The following ST3GAL1 variants were observed in gnomAD, a reference collection of about 807,000 sequenced individuals.
The protein encoded by ST3GAL1 is ST3 beta-galactoside alpha-2,3-sialyltransferase 1, also known as CMP-N-acetylneuraminate-beta-galactosamide-alpha-2,3-sialyltransferase 1.
In ST3GAL1, 16 loss-of-function variants were observed where a neutral mutation model predicts 34.1. That is an observed-to-expected ratio of 0.47 (90% confidence interval 0.32 to 0.71). The LOEUF is 0.71. ST3GAL1 is among the 30% of genes least tolerant of loss of function. ST3GAL1 has a pLI of 0.04. For synonymous variants in ST3GAL1, 191 were observed against 184.7 expected (o/e 1.03, Z -0.28); for missense variants, 353 against 447.4 (o/e 0.79, Z 1.90).
chr8:133,475,853 G>T lies in ST3GAL1; in HGVS notation c.172C>A (p.Pro58Thr), dbSNP rs1464330069. 6.2e-7 allele frequency: 1 copy of T among 1,614,012 alleles called. No individual in the cohort carries two copies. The highest frequency in any genetic ancestry group is 2.2e-5 in the East Asian group (1 of 44,876). ...ENLKRLIKHR[P>T]CTCTHCIGQR... is the part of the protein sequence containing the mutation. The stretch of plus-strand genomic sequence containing the variant: ...CCGATGCAGTGGGTGCAGGTGCAAG[G>T]CCTGTGCTTGATCAGTCTCTTCAGG... The change falls in exon 5 of 10, where the codon CCT (proline) becomes ACT (threonine). Residue 58 changes from proline to threonine, a missense_variant. By Grantham distance (38) the Pro-to-Thr change is conservative (BLOSUM62 -1). Transcript: ENST00000522652.
At chr8:133,480,172 C>A (rs1291864472) in intron 3 of ST3GAL1, among the ~76,000 whole-genome samples, 1 of 152,216 alleles carries the variant, frequency 6.6e-6, no homozygotes, top group Non-Finnish European at 1.5e-5. Context: ...GCCACATGCT[C>A]AATACGAGGA....
intron 2 of ST3GAL1, among the ~76,000 whole-genome samples, chr8:133,502,317 G>A (rs1817179849): frequency 6.6e-6 from 1 of 151,914 alleles, no homozygotes; most frequent in African/African-American, 2.4e-5. Context: ...ATATGTTGAT[G>A]CCTTAACCCT....
chr8:133,529,281 C>T lies in ST3GAL1; in HGVS notation c.-429+16493G>A, dbSNP rs1818072475. ...GCATCTACTGGAGGAATATGTCAGG[C>T]AAATGCCAGACAGAAAGCGGGCCAG... On this transcript the variant is annotated intron_variant, in intron 2 of 9. Coordinates refer to ENST00000522652, the MANE Select transcript of ST3GAL1 (RefSeq NM_173344.3). Among the ~76,000 whole-genome samples, 3 of 152,212 alleles carry T rather than the reference C, an allele frequency of 2.0e-5. No individual in the cohort carries two copies. In the South Asian group the frequency reaches 6.2e-4, roughly 31 times the overall value.
intron 1 of ST3GAL1, among the ~76,000 whole-genome samples, chr8:133,552,434 C>T (rs982752981): frequency 3.9e-5 from 6 of 152,166 alleles, no homozygotes; most frequent in African/African-American, 7.2e-5. Flanking sequence ...TCAGCAGAGC[C>T]GTTGGCTGGG....
intron 2 of ST3GAL1, among the ~76,000 whole-genome samples, chr8:133,510,835 A>G (rs568040535): frequency 6.6e-6 from 1 of 152,342 alleles, no homozygotes; most frequent in East Asian, 1.9e-4. Context: ...GGTGGCCACC[A>G]TAAGCTGAGA....
At chr8:133,541,414 A>G (rs1418304145) in intron 2 of ST3GAL1, among the ~76,000 whole-genome samples, 2 of 152,038 alleles carry the variant, frequency 1.3e-5, no homozygotes, top group African/African-American at 2.4e-5. Context: ...TTCTGTAATC[A>G]CACCCTCAAC....
intron 3 of ST3GAL1, among the ~76,000 whole-genome samples, chr8:133,477,197 C>T (rs887152712): frequency 2.6e-5 from 4 of 152,120 alleles, no homozygotes; most frequent in African/African-American, 9.7e-5. Flanking sequence ...ATACTAACAC[C>T]CCTACTTATA....
Sources: allele counts gnomAD v4.1 joint callset (sites outside exome capture counted in the v4.1 genomes callset), GRCh38; gene constraint gnomAD v4.1.1; transcripts MANE v1.5; gene names NCBI Gene and HGNC (gene_info 2026-07-23, HGNC 2026-07-21).